The following MOB3B variants were observed in gnomAD, a reference collection of about 807,000 sequenced individuals.
The protein encoded by MOB3B is MOB kinase activator 3B.
In MOB3B, 7 loss-of-function variants were observed where a neutral mutation model predicts 18.7. That is an observed-to-expected ratio of 0.37 (90% confidence interval 0.21 to 0.70). The LOEUF is 0.70. Among genes scored for constraint, MOB3B ranks in the 30% least tolerant of loss-of-function variants. MOB3B has a pLI of 0.52. For synonymous variants in MOB3B, 111 were observed against 99.9 expected, an observed-to-expected ratio of 1.11 and a Z score of -0.66; for missense variants, 253 against 281.3, an observed-to-expected ratio of 0.90 and a Z score of 0.72.
chr9:27,472,137 G>A (rs1819481758), intron 1 of MOB3B, among the ~76,000 whole-genome samples: 1 of 151,694 alleles, frequency 6.6e-6, no homozygotes, highest in Admixed American at 6.6e-5. Context: ...AAGAGTGAAG[G>A]GTGTAAATTT....
chr9:27,511,946 A>AC (rs1820152827), intron 1 of MOB3B, among the ~76,000 whole-genome samples: 1 of 152,124 alleles, frequency 6.6e-6, no homozygotes, highest in South Asian at 2.1e-4. Context: ...CATCCCTCGC[A>AC]CTTAGCTGTG....
intron 2 of MOB3B, among the ~76,000 whole-genome samples, chr9:27,442,361 T>C (rs1270627285): frequency 1.3e-5 from 2 of 152,240 alleles, no homozygotes; most frequent in Non-Finnish European, 2.9e-5. Context: ...ATTGTCTTCA[T>C]AGAACTTATC....
chr9:27,339,071 G>A (rs1229881485), intron 3 of MOB3B, among the ~76,000 whole-genome samples: 3 of 152,088 alleles, frequency 2.0e-5, no homozygotes, highest in South Asian at 4.1e-4. Context: ...GGGAACCCTC[G>A]GGGAGAGTCT....
intron 3 of MOB3B, among the ~76,000 whole-genome samples, chr9:27,352,298 T>C (rs894351676): frequency 1.3e-5 from 2 of 150,714 alleles, no homozygotes; most frequent in African/African-American, 4.9e-5. Context: ...GGAGGATCAC[T>C]TGAGCCCAGG....
chr9:27,497,929 A>G (rs1325950047), intron 1 of MOB3B, among the ~76,000 whole-genome samples: 1 of 152,250 alleles, frequency 6.6e-6, no homozygotes, highest in Non-Finnish European at 1.5e-5. Context: ...AAACTCCAAG[A>G]AAGACAAGAA....
intron 1 of MOB3B, among the ~76,000 whole-genome samples, chr9:27,494,793 G>A (rs192806001): frequency 6.6e-5 from 10 of 152,224 alleles, no homozygotes; most frequent in East Asian, 3.9e-4. Flanking sequence ...GATTACAGGC[G>A]TGAGCCACCA....
At chr9:27,336,709 C>T (rs1386950132) in intron 3 of MOB3B, among the ~76,000 whole-genome samples, 1 of 151,954 alleles carries the variant, frequency 6.6e-6, no homozygotes, top group African/African-American at 2.4e-5. Context: ...ATGGTGGCTA[C>T]TAGGGGGAGG....
At chr9:27,428,085 G>T (rs1371363643) in intron 2 of MOB3B, among the ~76,000 whole-genome samples, 1 of 152,212 alleles carries the variant, frequency 6.6e-6, no homozygotes, top group Non-Finnish European at 1.5e-5. Flanking sequence ...AGCAGCCACT[G>T]CAAGCTGAAT....
intron 2 of MOB3B, among the ~76,000 whole-genome samples, chr9:27,450,079 T>C (rs1337486755): frequency 2.0e-5 from 3 of 152,168 alleles, no homozygotes; most frequent in Admixed American, 2.0e-4. Flanking sequence ...TATGGTTGAC[T>C]TGTTTTTATA....
At chr9:27,433,125 T>C (rs1175502246) in intron 2 of MOB3B, among the ~76,000 whole-genome samples, 1 of 152,140 alleles carries the variant, frequency 6.6e-6, no homozygotes, top group Non-Finnish European at 1.5e-5. Flanking sequence ...AATATGAAGA[T>C]ACATATTTGA....
At chr9:27,472,470 T>A (rs1819487608) in intron 1 of MOB3B, among the ~76,000 whole-genome samples, 1 of 152,100 alleles carries the variant, frequency 6.6e-6, no homozygotes, top group African/African-American at 2.4e-5. Flanking sequence ...TCCACTGACT[T>A]CTTTTTCATT....
At chr9:27,451,942 G>T (rs1822791085) in intron 2 of MOB3B, among the ~76,000 whole-genome samples, 1 of 152,176 alleles carries the variant, frequency 6.6e-6, no homozygotes, top group Admixed American at 6.5e-5. Context: ...AGCAACTGAG[G>T]GCAAATCACA....
chr9:27,499,213 T>G (rs1043147213), intron 1 of MOB3B, among the ~76,000 whole-genome samples: 1 of 152,212 alleles, frequency 6.6e-6, no homozygotes, highest in Non-Finnish European at 1.5e-5. Context: ...TCAGAGCCAC[T>G]GCTGATGTAT....
intron 1 of MOB3B, among the ~76,000 whole-genome samples, chr9:27,468,795 C>G (rs1180296378): frequency 1.3e-5 from 2 of 152,132 alleles, no homozygotes. Flanking sequence ...AGGACTAGGC[C>G]CCCATAATCA....
chr9:27,397,591 T>A (rs1272896853), intron 2 of MOB3B: 1 of 152,188 alleles, frequency 6.6e-6, no homozygotes. Flanking sequence ...TTTCCTTATT[T>A]AAATACTATT....
chr9:27,495,681 G>T (rs1239040997), intron 1 of MOB3B, among the ~76,000 whole-genome samples: 1 of 152,190 alleles, frequency 6.6e-6, no homozygotes, highest in African/African-American at 2.4e-5. Context: ...ATGACTGTTG[G>T]TTAGTGTATT....
At chr9:27,337,773 T>C (rs1315790069) in intron 3 of MOB3B, among the ~76,000 whole-genome samples, 1 of 152,178 alleles carries the variant, frequency 6.6e-6, no homozygotes, top group African/African-American at 2.4e-5. Context: ...ATGAGAGGCA[T>C]GGTGATACTG....
chr9:27,477,569 A>G (rs1307955374), intron 1 of MOB3B, among the ~76,000 whole-genome samples: 1 of 152,278 alleles, frequency 6.6e-6, no homozygotes. Context: ...AAAGTCAGGA[A>G]CATGATAGGT....
chr9:27,466,843 T>C (rs1364552980), intron 1 of MOB3B, among the ~76,000 whole-genome samples: 7 of 152,092 alleles, frequency 4.6e-5, no homozygotes, highest in African/African-American at 7.2e-5. Context: ...TATGTGGGAA[T>C]TTTGGGAGAT....
Sources: gnomAD v4.1 joint callset for allele counts (sites outside exome capture counted in the v4.1 genomes callset) on GRCh38, gnomAD v4.1.1 for gene constraint, MANE v1.5 for transcripts, NCBI Gene and HGNC (gene_info 2026-07-23, HGNC 2026-07-21) for gene names.